MRPL30: variants seen among roughly 807,000 people sequenced by gnomAD.
The protein encoded by MRPL30 is mitochondrial ribosomal protein L30.
Under a neutral mutation model 17.2 loss-of-function variants are expected in MRPL30, and 10 were observed. The ratio of observed to expected loss-of-function variants is 0.58; its 90% CI spans 0.36 to 0.99. The LOEUF (loss-of-function observed/expected upper bound fraction) is 0.99, where lower values mean the gene tolerates loss of function less well. MRPL30 is among the 50% of genes least tolerant of loss of function. The probability of loss-of-function intolerance (pLI) is 0.01; values close to 1 mark genes in which losing one functional copy is unlikely to be tolerated. For synonymous variants in MRPL30, 61 were observed against 62.1 expected (o/e 0.98, Z 0.08); for missense variants, 170 against 189.8 (o/e 0.90, Z 0.61).
In MRPL30 at chr2:99,195,547, T is replaced by C. The variant is rs2093953679; in HGVS notation, c.354-26T>C. ...AGAACGCTAGAACGTATTCCTCCTA[T>C]CTAAACGCATTTTCTTGTGTCACAG... On this transcript the variant is annotated intron_variant, in intron 5 of 5. Transcript: ENST00000338148. 1.9e-6 allele frequency: 3 copies of C among 1,589,452 alleles called. No homozygotes were observed. In the African/African-American group the frequency reaches 4.1e-5, roughly 22 times the overall value.
chr2:99,195,474 A>C, intron 5 of MRPL30, 99 bp from the exon 6 acceptor site: 1 of 1,340,858 alleles, frequency 7.5e-7, no homozygotes, highest in South Asian at 1.4e-5. Flanking sequence ...CCTCCTAGCT[A>C]TTTGAAACTA....
intron 3 of MRPL30, among the ~76,000 whole-genome samples, chr2:99,194,373 T>C (rs2093951772): frequency 6.6e-6 from 1 of 152,216 alleles, no homozygotes; most frequent in African/African-American, 2.4e-5. Context: ...GTAGATTCTT[T>C]TTATAATACT....
Position 99,196,939 on chromosome 2 carries a change from A to G in MRPL30, c.*1234A>G, listed in dbSNP as rs1574848609. 2.6e-5 allele frequency: 4 copies of G among 152,258 alleles called. No homozygotes were observed. Among genetic ancestry groups the G allele is most frequent in the African/African-American group, 4.8e-5 (2 of 41,550 alleles). The allele number at this position is 152,258 out of a possible 1,614,324, so 9.4% of individuals were successfully genotyped here. The stretch of plus-strand genomic sequence containing the variant: ...ATTGCACACTGCCTGAACAAAACCT[A>G]TTTGTCTCTATGTAAATTTTTTCCT... On this transcript the variant is annotated 3_prime_UTR_variant, in exon 6 of 6. Transcript: ENST00000338148.
intron 1 of MRPL30, among the ~76,000 whole-genome samples, chr2:99,183,641 A>G (rs753219495): frequency 6.6e-6 from 1 of 152,210 alleles, no homozygotes; most frequent in African/African-American, 2.4e-5. Context: ...TTTTTCATAA[A>G]TAAACTTTAT....
At chr2:99,193,926 T>C (rs2105248857) in intron 3 of MRPL30, among the ~76,000 whole-genome samples, 1 of 151,750 alleles carries the variant, frequency 6.6e-6, no homozygotes, top group East Asian at 1.9e-4. Flanking sequence ...TAATCCCAGC[T>C]ACTCGTGAGG....
intron 1 of MRPL30, among the ~76,000 whole-genome samples, chr2:99,185,140 T>C (rs1245220155): frequency 6.6e-6 from 1 of 152,176 alleles, no homozygotes; most frequent in African/African-American, 2.4e-5. Flanking sequence ...GGGATCTAGA[T>C]TGCATGCTCC....
chr2:99,191,893 C>T (rs1001303782), intron 3 of MRPL30, among the ~76,000 whole-genome samples: 2 of 152,078 alleles, frequency 1.3e-5, no homozygotes, highest in Non-Finnish European at 2.9e-5. Flanking sequence ...ACTTGCCTTT[C>T]CAAAATATTT....
At chr2:99,194,713 A>T (rs756014478) in intron 3 of MRPL30, 38 bp from the exon 4 acceptor site, 15 of 1,549,148 alleles carry the variant, frequency 9.7e-6, no homozygotes, top group Admixed American at 2.3e-5. Context: ...AAACTGTGTA[A>T]GTTGGAAATT....
chr2:99,191,292 A>G (rs1370527323), intron 3 of MRPL30, among the ~76,000 whole-genome samples: 7 of 152,130 alleles, frequency 4.6e-5, no homozygotes, highest in Non-Finnish European at 7.4e-5. Context: ...GGCGTGAGCA[A>G]CCACGCCTGG....
chr2:99,186,688 G>T (rs1279863579), intron 2 of MRPL30, among the ~76,000 whole-genome samples: 1 of 152,114 alleles, frequency 6.6e-6, no homozygotes, highest in Admixed American at 6.5e-5. Context: ...TATCCCTAAA[G>T]ATCTAGAATC....
At chr2:99,192,083 A>G (rs985515953) in intron 3 of MRPL30, among the ~76,000 whole-genome samples, 7 of 151,764 alleles carry the variant, frequency 4.6e-5, no homozygotes, top group African/African-American at 1.5e-4. Context: ...ACTGCTGCCA[A>G]CTCCTTCCAC....
intron 1 of MRPL30, chr2:99,185,872 G>A: frequency 2.4e-6 from 1 of 420,574 alleles, no homozygotes; most frequent in Non-Finnish European, 4.6e-6. Context: ...TGATTCTATG[G>A]CAAAGCATTC....
chr2:99,185,397 T>C (rs2093932306), intron 1 of MRPL30, among the ~76,000 whole-genome samples: 1 of 152,188 alleles, frequency 6.6e-6, no homozygotes, highest in African/African-American at 2.4e-5. Context: ...GAATAACTCA[T>C]TTGCAAGACA....
chr2:99,195,229 C>T (rs1341217746), intron 5 of MRPL30, 40 bp downstream of exon 5: 3 of 1,515,030 alleles, frequency 2.0e-6, no homozygotes, highest in Non-Finnish European at 2.7e-6. Flanking sequence ...AATGTATTGC[C>T]TAGTGTAATT....
At chr2:99,186,742 G>C (rs547920724) in intron 2 of MRPL30, among the ~76,000 whole-genome samples, 1 of 152,202 alleles carries the variant, frequency 6.6e-6, no homozygotes, top group African/African-American at 2.4e-5. Flanking sequence ...AAAAATGGCT[G>C]TCATTGATTC....
intron 1 of MRPL30, among the ~76,000 whole-genome samples, chr2:99,184,026 G>C (rs147324773): frequency 5.3e-5 from 8 of 152,148 alleles, no homozygotes; most frequent in African/African-American, 1.9e-4. Flanking sequence ...CTTCTGAATG[G>C]GATATTTGTT....
chr2:99,194,226 G>A (rs115827991), intron 3 of MRPL30, among the ~76,000 whole-genome samples: 2,323 of 152,144 alleles, frequency 0.015, 51 homozygotes, highest in African/African-American at 0.052. Flanking sequence ...TATACTTAGA[G>A]GAGTGTTTCT....
chr2:99,193,803 CCAAGGCGGGCGGATCA>C (rs1482084023), intron 3 of MRPL30, among the ~76,000 whole-genome samples: 4 of 152,022 alleles, frequency 2.6e-5, no homozygotes, highest in Admixed American at 2.6e-4. Context: ...CTTTGGGAGG[CCAAGGCGGGCGGATCA>C]CAAGGTCAGG....
intron 1 of MRPL30, among the ~76,000 whole-genome samples, chr2:99,183,894 G>T (rs143844617): frequency 1.6e-4 from 24 of 152,176 alleles, no homozygotes; most frequent in Admixed American, 5.2e-4. Flanking sequence ...TCTTCCTTAG[G>T]CTCCTCTTAA....
Sources: gnomAD v4.1 joint callset for allele counts (sites outside exome capture counted in the v4.1 genomes callset) on GRCh38, gnomAD v4.1.1 for gene constraint, MANE v1.5 for transcripts, NCBI Gene and HGNC (gene_info 2026-07-23, HGNC 2026-07-21) for gene names.